Variants in UTS2B observed in about 807,000 individuals in gnomAD.
The protein encoded by UTS2B is urotensin-2B.
UTS2B carries 21 observed loss-of-function variants against 19.2 expected under a neutral mutation model. That is an observed-to-expected ratio of 1.09 (90% CI 0.78 to 1.58). UTS2B has a LOEUF of 1.58. Among genes scored for constraint, UTS2B ranks in the 40% most tolerant of loss-of-function variants. The pLI is 0.00. For missense variants in UTS2B, 138 were observed against 130.3 expected (o/e 1.06, Z -0.29); for synonymous variants, 57 against 50.2 (o/e 1.14, Z -0.58).
intron 3 of UTS2B, among the ~76,000 whole-genome samples, chr3:191,311,672 A>C (rs1254485742): frequency 2.0e-5 from 3 of 152,226 alleles, no homozygotes; most frequent in Admixed American, 1.3e-4. Context: ...AGCAGCTACC[A>C]CTGAGCTTCT....
chr3:191,298,645 C>T (rs1716917993), intron 4 of UTS2B, among the ~76,000 whole-genome samples: 1 of 152,114 alleles, frequency 6.6e-6, no homozygotes, highest in Non-Finnish European at 1.5e-5. Context: ...TGGACTAATA[C>T]AGAAAATTGG....
chr3:191,329,814 C>A (rs1295092274), intron 1 of UTS2B: 1 of 1,381,470 alleles, frequency 7.2e-7, no homozygotes, highest in Middle Eastern at 1.9e-4. Context: ...TCGGCTCCCG[C>A]GGCCCTCGCC....
At chr3:191,276,320 G>A (rs1262302430) in intron 7 of UTS2B, among the ~76,000 whole-genome samples, 2 of 152,256 alleles carry the variant, frequency 1.3e-5, no homozygotes, top group South Asian at 2.1e-4. Context: ...AGAAAAGGGT[G>A]TTACTAGGGG....
At chr3:191,307,206 T>C (rs541589065) in intron 3 of UTS2B, among the ~76,000 whole-genome samples, 9 of 152,314 alleles carry the variant, frequency 5.9e-5, no homozygotes, top group African/African-American at 1.4e-4. Context: ...TGTGTGAATA[T>C]AGAATCATAG....
At chr3:191,326,605 C>G (rs1387706626) in intron 2 of UTS2B, among the ~76,000 whole-genome samples, 1 of 152,232 alleles carries the variant, frequency 6.6e-6, no homozygotes, top group East Asian at 1.9e-4. Flanking sequence ...TGTTTGGCAT[C>G]TGCCCCAAAT....
chr3:191,310,025 C>T (rs550619532), intron 3 of UTS2B, among the ~76,000 whole-genome samples: 2 of 151,772 alleles, frequency 1.3e-5, no homozygotes, highest in Admixed American at 6.6e-5. Flanking sequence ...CGCAGTGGCA[C>T]GATCTCCACT....
At chr3:191,309,295 G>A (rs1360331854) in intron 3 of UTS2B, among the ~76,000 whole-genome samples, 1 of 152,006 alleles carries the variant, frequency 6.6e-6, no homozygotes, top group Non-Finnish European at 1.5e-5. Flanking sequence ...CCAGGTAGCT[G>A]GGACTACAGG....
chr3:191,330,161 C>A (rs1411304055), intron 1 of UTS2B, among the ~76,000 whole-genome samples: 1 of 152,152 alleles, frequency 6.6e-6, no homozygotes, highest in Admixed American at 6.5e-5. Flanking sequence ...TGACTCTTTC[C>A]CTCCTTCTCT....
At chr3:191,286,645 T>C (rs1467630422) in intron 4 of UTS2B, among the ~76,000 whole-genome samples, 4 of 151,382 alleles carry the variant, frequency 2.6e-5, no homozygotes, top group Admixed American at 1.3e-4. Context: ...TCTGTACCAA[T>C]AAATGCCTAT....
the UTS2B span, among the ~76,000 whole-genome samples, chr3:191,343,698 G>A: frequency 5.3e-5 from 8 of 152,170 alleles, no homozygotes; most frequent in Non-Finnish European, 8.8e-5. Context: ...TGTTTCTTCA[G>A]TTGTGACTCA....
At chr3:191,332,468 T>C (rs1247342227), upstream of UTS2B, among the ~76,000 whole-genome samples, 1 of 152,228 alleles carries the variant, frequency 6.6e-6, no homozygotes, top group African/African-American at 2.4e-5. Context: ...ATACTTTTTG[T>C]AATGGAAAAC....
intron 5 of UTS2B, among the ~76,000 whole-genome samples, chr3:191,280,226 T>C (rs78225903): frequency 0.041 from 6,260 of 152,174 alleles, 431 homozygotes; most frequent in African/African-American, 0.14. Context: ...TTCACAAAAA[T>C]AAATTTCCCA....
the UTS2B span, among the ~76,000 whole-genome samples, chr3:191,338,053 C>T: frequency 2.6e-5 from 4 of 152,124 alleles, no homozygotes; most frequent in East Asian, 3.9e-4. Flanking sequence ...TTTTGTTTTT[C>T]CAATGAGTCA....
rs1715983417 is a variant in UTS2B, at chr3:191,267,934, A to G, written c.*482T>C. On this transcript the variant is annotated 3_prime_UTR_variant, in exon 9 of 9. Transcript: ENST00000340524. The stretch of plus-strand genomic sequence containing the variant: ...AGCTGGTTACAAACAATCCATGGAA[A>G]CAGGACATGAAGCTAGACAACCGCT... 1 of 152,266 alleles carries G rather than the reference A, an allele frequency of 6.6e-6. No homozygotes were observed. The highest frequency in any genetic ancestry group is 2.4e-5 in the African/African-American group (1 of 41,456). 9.4% of individuals were successfully genotyped at this position (152,266 alleles called of 1,614,324 possible).
At chr3:191,308,338 C>T (rs1717200280) in intron 3 of UTS2B, among the ~76,000 whole-genome samples, 1 of 152,174 alleles carries the variant, frequency 6.6e-6, no homozygotes, top group African/African-American at 2.4e-5. Context: ...ACAGAACCTT[C>T]TCTTGTACGG....
chr3:191,284,196 AT>A (rs1716469179), intron 4 of UTS2B, among the ~76,000 whole-genome samples: 1 of 107,822 alleles, frequency 9.3e-6, no homozygotes, highest in African/African-American at 2.6e-5. Context: ...AGATTATTCT[AT>A]TTTTTAAAAA....
At chr3:191,344,225 G>A in the UTS2B span, among the ~76,000 whole-genome samples, 1 of 152,184 alleles carries the variant, frequency 6.6e-6, no homozygotes, top group Admixed American at 6.5e-5. Flanking sequence ...CAGGTTCACT[G>A]AGTGGTCCAG....
At chr3:191,288,969 G>A (rs1422770616) in intron 4 of UTS2B, among the ~76,000 whole-genome samples, 3 of 152,116 alleles carry the variant, frequency 2.0e-5, no homozygotes, top group Non-Finnish European at 4.4e-5. Context: ...ACAGAAGTTA[G>A]TATCCAAAAT....
upstream of UTS2B, among the ~76,000 whole-genome samples, chr3:191,334,929 CTGTAGGAAG>C (rs1204123077): frequency 6.6e-6 from 1 of 152,080 alleles, no homozygotes; most frequent in East Asian, 1.9e-4. Context: ...ACTGAGTGAA[CTGTAGGAAG>C]TCACACTCTT....
Sources: gnomAD v4.1 joint callset for allele counts (sites outside exome capture counted in the v4.1 genomes callset) on GRCh38, gnomAD v4.1.1 for gene constraint, MANE v1.5 for transcripts, NCBI Gene and HGNC (gene_info 2026-07-23, HGNC 2026-07-21) for gene names.